Variants in ALPK1 observed in about 807,000 individuals in gnomAD.
ALPK1 encodes the protein alpha-protein kinase 1.
In ALPK1, 110 loss-of-function variants were observed where a neutral mutation model predicts 120.6. That is an observed-to-expected ratio of 0.91 (90% CI 0.78 to 1.07). ALPK1 has a LOEUF of 1.07. ALPK1 is among the 50% of genes least tolerant of loss of function. The probability of loss-of-function intolerance (pLI) is 0.00; values close to 1 mark genes in which losing one functional copy is unlikely to be tolerated. For synonymous variants in ALPK1, 582 were observed against 560.3 expected (o/e 1.04, Z -0.55); for missense variants, 1,498 against 1,483.9 (o/e 1.01, Z -0.16).
intron 2 of ALPK1, among the ~76,000 whole-genome samples, chr4:112,370,422 G>C (rs1263675158): frequency 2.0e-5 from 3 of 152,074 alleles, no homozygotes; most frequent in African/African-American, 4.8e-5. Flanking sequence ...AAAAATACAG[G>C]GGAGGGATGT....
intron 2 of ALPK1, among the ~76,000 whole-genome samples, chr4:112,364,240 T>C (rs1731039394): frequency 6.6e-6 from 1 of 151,046 alleles, no homozygotes. Context: ...ATTAAATATA[T>C]ATATTTATAT....
At chr4:112,314,397 T>C (rs1020641433) in intron 1 of ALPK1, among the ~76,000 whole-genome samples, 1 of 152,200 alleles carries the variant, frequency 6.6e-6, no homozygotes, top group East Asian at 1.9e-4. Flanking sequence ...GGGGACAAGA[T>C]GGGTAGTAGT....
intron 2 of ALPK1, among the ~76,000 whole-genome samples, chr4:112,373,679 G>A (rs1731521887): frequency 6.6e-6 from 1 of 151,992 alleles, no homozygotes; most frequent in Admixed American, 6.6e-5. Context: ...CTTGAGCCTA[G>A]GAGTTTGAGT....
chr4:112,319,708 T>C (rs990952495), intron 2 of ALPK1, among the ~76,000 whole-genome samples: 5 of 152,214 alleles, frequency 3.3e-5, no homozygotes, highest in Non-Finnish European at 7.3e-5. Flanking sequence ...TTGTGTCATC[T>C]ATCATTTCTT....
chr4:112,312,889 C>A (rs530504126), intron 1 of ALPK1, among the ~76,000 whole-genome samples: 3 of 152,152 alleles, frequency 2.0e-5, no homozygotes, highest in Non-Finnish European at 4.4e-5. Context: ...TGAAAGTGAA[C>A]GGGAGGAAAC....
intron 9 of ALPK1, 70 bp from the exon 10 acceptor site, chr4:112,429,079 T>C: frequency 7.3e-7 from 1 of 1,368,610 alleles, no homozygotes; most frequent in Non-Finnish European, 1.0e-6. Context: ...GCAAAACCAT[T>C]TCATAGCCTG....
chr4:112,415,061 C>T (rs926457394), intron 5 of ALPK1: 6 of 152,172 alleles, frequency 3.9e-5, no homozygotes, highest in African/African-American at 9.7e-5. Context: ...GTTACAAGGA[C>T]GCTTGCTCTC....
intron 2 of ALPK1, chr4:112,358,553 C>A: frequency 1.4e-6 from 1 of 700,062 alleles, no homozygotes; most frequent in Non-Finnish European, 2.6e-6. Context: ...GGAGTATGAG[C>A]AGGAGCCAGA....
At chr4:112,312,529 T>C (rs10019768) in intron 1 of ALPK1, among the ~76,000 whole-genome samples, 71,330 of 152,126 alleles carry the variant, frequency 0.47, 19,160 homozygotes, top group African/African-American at 0.71. Context: ...ACCTCGGCCT[T>C]CCAAAGTGCT....
chr4:112,334,558 G>C (rs1437674562), intron 2 of ALPK1, among the ~76,000 whole-genome samples: 1 of 152,166 alleles, frequency 6.6e-6, no homozygotes, highest in Non-Finnish European at 1.5e-5. Flanking sequence ...GTTTAGGATA[G>C]TGTATACTAT....
chr4:112,430,422 G>T (rs375446464), intron 10 of ALPK1, 26 bp from the exon 11 acceptor site: 3 of 1,538,034 alleles, frequency 2.0e-6, no homozygotes. Context: ...TTCAATATCT[G>T]ATTTGGTATT....
At chr4:112,307,156 T>G (rs1158457770) in intron 1 of ALPK1, among the ~76,000 whole-genome samples, 8 of 152,088 alleles carry the variant, frequency 5.3e-5, no homozygotes, top group Non-Finnish European at 8.8e-5. Flanking sequence ...TTGCTGAGGC[T>G]TGCTTTACTT....
intron 4 of ALPK1, among the ~76,000 whole-genome samples, chr4:112,406,568 T>C (rs1056592338): frequency 3.9e-5 from 6 of 152,212 alleles, no homozygotes; most frequent in Non-Finnish European, 7.3e-5. Context: ...CTTCTCCTGC[T>C]TTCCTGTCTC....
chr4:112,425,933 T>C, intron 7 of ALPK1, 182 bp downstream of exon 7: 1 of 475,748 alleles, frequency 2.1e-6, no homozygotes, highest in Non-Finnish European at 3.8e-6. Context: ...TAATAAAATG[T>C]GTTTTTTTCT....
intron 3 of ALPK1, among the ~76,000 whole-genome samples, chr4:112,381,153 A>C (rs960106881): frequency 7.2e-5 from 11 of 152,232 alleles, no homozygotes; most frequent in Admixed American, 1.3e-4. Flanking sequence ...TGGACGGAGC[A>C]AGATTCAGAC....
At chr4:112,339,292 A>G (rs1729758073) in intron 2 of ALPK1, among the ~76,000 whole-genome samples, 1 of 151,870 alleles carries the variant, frequency 6.6e-6, no homozygotes, top group Non-Finnish European at 1.5e-5. Flanking sequence ...ATCAAATAAG[A>G]AGAAATATAT....
intron 4 of ALPK1, among the ~76,000 whole-genome samples, chr4:112,403,478 A>G (rs933157914): frequency 6.6e-6 from 1 of 152,210 alleles, no homozygotes; most frequent in Admixed American, 6.5e-5. Context: ...TGCATTTTGC[A>G]TCGTTAGGTC....
At chr4:112,341,125 G>A (rs767629953) in intron 2 of ALPK1, among the ~76,000 whole-genome samples, 69 of 152,136 alleles carry the variant, frequency 4.5e-4, no homozygotes, top group Non-Finnish European at 7.6e-4. Context: ...GTCTGTGTGC[G>A]TGTGTGTTTT....
At position 112,364,838 on chromosome 4, in the gene ALPK1, T is replaced by C. The variant is rs115637887; in HGVS notation, c.-100-12840T>C. Among the ~76,000 whole-genome samples, 1,290 of 152,176 alleles carry C rather than the reference T, an allele frequency of 8.5e-3. 22 individuals are homozygous for C. The highest frequency in any genetic ancestry group is 0.012 in the Non-Finnish European group (808 of 67,980). ...TACTAGCTAACAGAACCCAACAGCATACCAAAAAGATAATCCACCATGATC... is the reference window on the plus strand; with the variant it reads ...TACTAGCTAACAGAACCCAACAGCACACCAAAAAGATAATCCACCATGATC... On this transcript the variant is annotated intron_variant, in intron 2 of 15. Transcript: ENST00000650871.
Sources: gnomAD v4.1 joint callset for allele counts (sites outside exome capture counted in the v4.1 genomes callset) on GRCh38, gnomAD v4.1.1 for gene constraint, MANE v1.5 for transcripts, NCBI Gene and HGNC (gene_info 2026-07-23, HGNC 2026-07-21) for gene names.